SVIL: variants seen among roughly 807,000 people sequenced by gnomAD.
SVIL encodes the protein supervillin.
Under a neutral mutation model 240.4 loss-of-function variants are expected in SVIL, and 101 were observed. The observed-to-expected ratio is 0.42, with a 90% confidence interval of 0.36 to 0.50. The LOEUF (loss-of-function observed/expected upper bound fraction) is 0.50, where lower values mean the gene tolerates loss of function less well. SVIL is among the 20% of genes least tolerant of loss of function. The pLI is 0.01. For missense variants in SVIL, 2,512 were observed against 2,818.7 expected, an observed-to-expected ratio of 0.89 and a Z score of 2.46; for synonymous variants, 999 against 1,100.0, an observed-to-expected ratio of 0.91 and a Z score of 1.82.
chr10:29,487,615 C>T (rs1947532857), intron 23 of SVIL: 2 of 237,054 alleles, frequency 8.4e-6, no homozygotes, highest in South Asian at 1.8e-4. Context: ...CTCCTTCACT[C>T]TTCTCCCGGG....
intron 2 of SVIL, among the ~76,000 whole-genome samples, chr10:29,659,432 G>A (rs1051466675): frequency 1.3e-5 from 2 of 152,144 alleles, no homozygotes; most frequent in East Asian, 1.9e-4. Flanking sequence ...AAGCACAGAG[G>A]GCTCTGAACT....
chr10:29,729,945 T>C (rs1964524805), intron 1 of SVIL, among the ~76,000 whole-genome samples: 1 of 151,240 alleles, frequency 6.6e-6, no homozygotes, highest in Non-Finnish European at 1.5e-5. Context: ...TCCCAGCATT[T>C]AGAGAGGCTG....
Position 29,490,997 on chromosome 10 carries a change from G to A in SVIL, c.4042C>T (p.His1348Tyr). ...APKLTSSVAE[H>Y]KRAVRPKRRV... Reference sequence around the variant, plus strand: ...CGCTTGGGCCTAACTGCCCGCTTGTGCTCGGCCACGGAAGACGTCAATCTG... The same window carrying A: ...CGCTTGGGCCTAACTGCCCGCTTGTACTCGGCCACGGAAGACGTCAATCTG... The change falls in exon 22 of 38, where the codon CAC (histidine) becomes TAC (tyrosine). Residue 1348 changes from histidine (H) to tyrosine (Y), a missense_variant. His to Tyr is a moderately conservative substitution (Grantham distance 83). Around this residue, in one of 3 missense-constraint regions of SVIL, gnomAD observed 272 missense variants for 406.8 expected, o/e 0.67. Coordinates refer to ENST00000355867, the MANE Select transcript of SVIL (RefSeq NM_021738.3). The A allele has an allele frequency of 6.2e-7, 1 of 1,613,898 alleles. No homozygotes were observed. Among genetic ancestry groups the A allele is most frequent in the Non-Finnish European group, 8.5e-7 (1 of 1,179,814 alleles).
intron 33 of SVIL, 139 bp downstream of exon 33, chr10:29,467,603 T>G: frequency 9.1e-7 from 1 of 1,097,390 alleles, no homozygotes; most frequent in South Asian, 1.6e-5. Flanking sequence ...TGAGGCAGGC[T>G]GATCACTTGA....
Position 29,458,448 on chromosome 10 carries a change from C to A in SVIL, c.6544G>T (p.Asp2182Tyr), listed in dbSNP as rs147020336. The A allele has an allele frequency of 2.5e-6, 4 of 1,582,438 alleles. No homozygotes were observed. Among genetic ancestry groups the A allele is most frequent in the Non-Finnish European group, 3.4e-6 (4 of 1,162,766 alleles). ...DPLKLEIYLTDEDFEFALDMT... is the reference protein window; with the variant it reads ...DPLKLEIYLTYEDFEFALDMT... ...GAACCGCTTACCTCGAAGTCTTCGT[C>A]GGTGAGATAGATCTCAAGCTTCAGA... The change falls in exon 37 of 38, where the codon GAC (aspartate) becomes TAC (tyrosine). Residue 2182 changes from aspartate to tyrosine, a missense_variant. Coordinates refer to ENST00000355867, the MANE Select transcript of SVIL (RefSeq NM_021738.3).
intron 17 of SVIL, among the ~76,000 whole-genome samples, chr10:29,509,330 GGAGAGAGAGAGAGAGAGAGAGAGAGAGA>G (rs66616602): frequency 2.2e-4 from 15 of 66,908 alleles, no homozygotes; most frequent in African/African-American, 7.3e-4. Context: ...GGAGGGGGAG[GGAGAGAGAGAGAGAGAGAGAGAGAGAGA>G]GAGAGAGAGA....
At chr10:29,639,675 C>T (rs1958423666), upstream of SVIL, among the ~76,000 whole-genome samples, 1 of 152,038 alleles carries the variant, frequency 6.6e-6, no homozygotes, top group African/African-American at 2.4e-5. Flanking sequence ...CCATGTTGGC[C>T]AAGCTGGTCT....
chr10:29,621,451 G>C (rs1044355333), intron 1 of SVIL, among the ~76,000 whole-genome samples: 2 of 152,240 alleles, frequency 1.3e-5, no homozygotes. Flanking sequence ...CACCATGCTT[G>C]GGAAACAGGG....
intron 11 of SVIL, among the ~76,000 whole-genome samples, chr10:29,530,278 G>A (rs1191596814): frequency 7.1e-6 from 1 of 140,756 alleles, no homozygotes; most frequent in Non-Finnish European, 1.6e-5. Flanking sequence ...GGTCACTAAT[G>A]AGCACCTCGT....
chr10:29,551,293 C>G, intron 5 of SVIL, 30 bp from the exon 6 acceptor site: 1 of 1,541,422 alleles, frequency 6.5e-7, no homozygotes, highest in African/African-American at 1.4e-5. Flanking sequence ...ATGAGAGGTG[C>G]AGATTTCAAG....
At chr10:29,584,692 G>A (rs551195690) in intron 1 of SVIL, among the ~76,000 whole-genome samples, 3 of 152,256 alleles carry the variant, frequency 2.0e-5, no homozygotes, top group Admixed American at 1.3e-4. Context: ...GAGTCGACAC[G>A]GGTTCGGCAA....
chr10:29,594,794 C>T (rs1956521080), intron 1 of SVIL, among the ~76,000 whole-genome samples: 1 of 152,164 alleles, frequency 6.6e-6, no homozygotes, highest in Non-Finnish European at 1.5e-5. Context: ...TGGGCTCAAG[C>T]AGTCAGCCTG....
At chr10:29,576,001 G>A in intron 1 of SVIL, 1 of 523,508 alleles carries the variant, frequency 1.9e-6, no homozygotes, top group Non-Finnish European at 2.5e-6. Context: ...TATGACTGAA[G>A]TACCCTTGCA....
chr10:29,474,900 T>C (rs1946024896), intron 29 of SVIL, among the ~76,000 whole-genome samples: 1 of 152,218 alleles, frequency 6.6e-6, no homozygotes, highest in Non-Finnish European at 1.5e-5. Context: ...CATAAACTAA[T>C]CTGGATTTCA....
At chr10:29,480,462 A>G in intron 29 of SVIL, 75 bp downstream of exon 29, 4 of 1,568,110 alleles carry the variant, frequency 2.6e-6, no homozygotes, top group Non-Finnish European at 3.5e-6. Context: ...GACAGGGTTC[A>G]TTGGAGAAGC....
rs1326165040 is a variant in SVIL, at chr10:29,707,303, C to T, written c.-399-20652G>A. 2.6e-5 allele frequency among the ~76,000 whole-genome samples: 4 copies of T among 152,252 alleles called. No homozygotes were observed. The East Asian group carries it at 7.7e-4, about 29-fold the overall frequency. On this transcript the variant is annotated intron_variant, in intron 1 of 35. Transcript: ENST00000375400. ...AAGTTTTTCCATTTGTTTGTGTACTCTCTTATTTCCTTGAGCAGTGGTTTG... is the reference window on the plus strand; with the variant it reads ...AAGTTTTTCCATTTGTTTGTGTACTTTCTTATTTCCTTGAGCAGTGGTTTG...
chr10:29,492,775 G>A (rs1477109415), intron 21 of SVIL, among the ~76,000 whole-genome samples: 1 of 152,136 alleles, frequency 6.6e-6, no homozygotes, highest in Non-Finnish European at 1.5e-5. Flanking sequence ...ATGCCTTACT[G>A]ATTTTCTAGT....
At chr10:29,506,488 G>A (rs1468302264) in intron 17 of SVIL, among the ~76,000 whole-genome samples, 2 of 152,186 alleles carry the variant, frequency 1.3e-5, no homozygotes, top group African/African-American at 2.4e-5. Flanking sequence ...TGTCAGCTTC[G>A]CATGTGAAAC....
intron 1 of SVIL, among the ~76,000 whole-genome samples, chr10:29,624,574 T>C (rs1006449715): frequency 6.6e-6 from 1 of 152,078 alleles, no homozygotes; most frequent in Non-Finnish European, 1.5e-5. Context: ...ACAAAATCAT[T>C]TACAGTGCTC....
Sources: allele counts gnomAD v4.1 joint callset (sites outside exome capture counted in the v4.1 genomes callset), GRCh38; gene constraint gnomAD v4.1.1; regional missense constraint gnomAD v4.1.1; transcripts MANE v1.5; gene names NCBI Gene and HGNC (gene_info 2026-07-23, HGNC 2026-07-21).